The following ZNF746 variants were observed in gnomAD, a reference collection of about 807,000 sequenced individuals.
ZNF746 encodes zinc finger protein 746.
Under a neutral mutation model 41.0 loss-of-function variants are expected in ZNF746, and 13 were observed. The observed-to-expected ratio is 0.32, with a 90% CI of 0.21 to 0.50. The LOEUF is 0.50. Among genes scored for constraint, ZNF746 ranks in the 20% least tolerant of loss-of-function variants. The pLI is 0.98. For missense variants in ZNF746, 811 were observed against 922.9 expected, an observed-to-expected ratio of 0.88 and a Z score of 1.57; for synonymous variants, 424 against 396.2, an observed-to-expected ratio of 1.07 and a Z score of -0.83.
chr7:149,486,756 G>A (rs1800636906), intron 4 of ZNF746, among the ~76,000 whole-genome samples: 2 of 152,194 alleles, frequency 1.3e-5, no homozygotes. Context: ...TATACTATAA[G>A]AGGAAGGAAG....
chr7:149,496,809 C>T (rs1755871138), intron 1 of ZNF746: 2 of 985,284 alleles, frequency 2.0e-6, no homozygotes, highest in Middle Eastern at 5.2e-4. Context: ...GCACTCACCC[C>T]TTTCTGTTTT....
At chr7:149,482,296 C>T (rs150072143) in intron 4 of ZNF746, among the ~76,000 whole-genome samples, 20 of 152,010 alleles carry the variant, frequency 1.3e-4, no homozygotes, top group African/African-American at 3.4e-4. Flanking sequence ...AACAGAAGGA[C>T]GCAGAAAGCA....
Position 149,497,333 on chromosome 7 carries a change from G to A in ZNF746, c.24+180C>T, listed in dbSNP as rs948638896. 921 of 983,092 alleles carry A rather than the reference G, an allele frequency of 9.4e-4. No homozygotes were observed. The highest frequency in any genetic ancestry group is 1.0e-3 in the Non-Finnish European group (847 of 828,034). 60.9% of individuals were successfully genotyped at this position (983,092 alleles called of 1,614,324 possible). ...CGCTCGGGTTCGGCTCGGAGTGGGG[G>A]CCCGGCCGACGGGCGCAGTAGGCCC... On this transcript the variant is annotated intron_variant, in intron 1 of 6. Coordinates refer to ENST00000458143, the MANE Select transcript of ZNF746 (RefSeq NM_001394198.1). The surrounding 1 kb of genome is among the most constrained non-coding windows in gnomAD (Gnocchi z 4.2).
At chr7:149,496,593 C>T (rs963925066) in intron 1 of ZNF746, among the ~76,000 whole-genome samples, 2 of 152,154 alleles carry the variant, frequency 1.3e-5, no homozygotes, top group African/African-American at 2.4e-5. Context: ...TGCACTGTCC[C>T]GTCTCTCTGC....
At chr7:149,476,007 AAATATTAGTGAATAAGAATGTGTT>A in intron 6 of ZNF746, among the ~76,000 whole-genome samples, 2 of 152,212 alleles carry the variant, frequency 1.3e-5, no homozygotes, top group Non-Finnish European at 1.5e-5. Flanking sequence ...CTAATGATAA[AAATATTAGTGAATAAGAATGTGTT>A]TGGCCAGGCG....
chr7:149,476,917 T>G lies in ZNF746; in HGVS notation c.883+5A>C. On this transcript the variant is annotated splice_donor_5th_base_variant and intron_variant, in intron 6 of 6. Transcript: ENST00000458143. ...CCCTTCCCTTCCTCCTCTCGCCACC[T>G]GTACCTTCCGTGGAGGCTGCTGTGT... 14 of 1,613,952 alleles carry G rather than the reference T, an allele frequency of 8.7e-6. No homozygotes were observed. The highest frequency in any genetic ancestry group is 1.1e-5 in the Non-Finnish European group (13 of 1,179,928).
chr7:149,496,173 CCT>C (rs1398393402), intron 1 of ZNF746, among the ~76,000 whole-genome samples: 7 of 152,198 alleles, frequency 4.6e-5, no homozygotes, highest in Non-Finnish European at 1.0e-4. Context: ...ATGAAAGGGA[CCT>C]CTGCTAAACT....
At chr7:149,480,217 C>G (rs1411272626) in intron 4 of ZNF746, among the ~76,000 whole-genome samples, 1 of 152,128 alleles carries the variant, frequency 6.6e-6, no homozygotes, top group Admixed American at 6.5e-5. Context: ...ATCAGCACCA[C>G]AAACTCAGCA....
rs1372610633 is a variant in ZNF746, at chr7:149,475,292, G to A, written c.1075C>T (p.Leu359=). The change falls in exon 7 of 7, where the codon CTG becomes TTG. Residue 359 remains leucine, a synonymous_variant. Coordinates refer to ENST00000458143, the MANE Select transcript of ZNF746 (RefSeq NM_001394198.1). The stretch of plus-strand genomic sequence containing the variant: ...GGCCGGGCGGGCTCTCGCAGCCCCA[G>A]CACAGGGTCCTGGCTGGGGAAGGAG... ...GSSFPSQDPV[L]GLREPARPER... is the part of the protein sequence containing the mutation. 6.8e-6 allele frequency: 11 copies of A among 1,613,838 alleles called. No homozygotes were observed. The highest frequency in any genetic ancestry group is 2.7e-5 in the African/African-American group (2 of 75,034).
At chr7:149,488,472 G>T (rs886787733) in intron 4 of ZNF746, 1 of 152,112 alleles carries the variant, frequency 6.6e-6, no homozygotes, top group African/African-American at 2.4e-5. Context: ...GAAAATGTTT[G>T]TAACACAAAT....
chr7:149,492,341 T>G (rs1800832285), intron 4 of ZNF746, among the ~76,000 whole-genome samples: 1 of 152,246 alleles, frequency 6.6e-6, no homozygotes, highest in African/African-American at 2.4e-5. Context: ...ATGATTTTCC[T>G]AGTAACATTT....
chr7:149,474,711 C>T lies in ZNF746; in HGVS notation c.1656G>A (p.Arg552=). 1 of 1,612,314 alleles carries T rather than the reference C, an allele frequency of 6.2e-7. No individual in the cohort carries two copies. Among genetic ancestry groups the T allele is most frequent in the Non-Finnish European group, 8.5e-7 (1 of 1,179,652 alleles). The change falls in exon 7 of 7, where the codon CGG becomes CGA. Residue 552 remains arginine, a synonymous_variant. Coordinates refer to ENST00000458143, the MANE Select transcript of ZNF746 (RefSeq NM_001394198.1). The surrounding 1 kb of genome is among the most constrained non-coding windows in gnomAD (Gnocchi z 6.3). ...IRHRMLHTGE[R]PFPCTECEKR... is the part of the protein sequence containing the mutation. The stretch of plus-strand genomic sequence containing the variant: ...TCTCACACTCGGTGCAGGGGAAGGG[C>T]CGCTCGCCGGTGTGCAGCATGCGAT...
In ZNF746 at chr7:149,474,212, G is replaced by A. The variant is rs73469439; in HGVS notation, c.*172C>T. 1,844 of 693,372 alleles carry A rather than the reference G, an allele frequency of 2.7e-3. 23 individuals are homozygous for A. In the African/African-American group the frequency reaches 0.029, roughly 11 times the overall value. 43.0% of individuals were successfully genotyped at this position (693,372 alleles called of 1,614,324 possible). A position where few individuals can be genotyped will look rare whatever the true frequency, so the allele number is the denominator to read the frequency against. ...ACAGAGAATTCTACTTGGTTTAGAG[G>A]TGGCAGCTGTCCTGGTGGATAGTTT... On this transcript the variant is annotated 3_prime_UTR_variant, in exon 7 of 7. Coordinates refer to ENST00000458143, the MANE Select transcript of ZNF746 (RefSeq NM_001394198.1). This position sits in a 1 kb window ranked among gnomAD's most constrained non-coding sequence, Gnocchi z 6.3.
intron 4 of ZNF746, among the ~76,000 whole-genome samples, chr7:149,482,348 A>G (rs1468081273): frequency 6.6e-6 from 1 of 152,404 alleles, no homozygotes; most frequent in East Asian, 1.9e-4. Context: ...AACAATGTAA[A>G]GAAATGATGT....
intron 4 of ZNF746, among the ~76,000 whole-genome samples, chr7:149,484,643 AT>A (rs778562387): frequency 6.6e-5 from 10 of 151,856 alleles, no homozygotes; most frequent in Non-Finnish European, 1.2e-4. Flanking sequence ...CATCATTTCT[AT>A]TTAAGGATTT....
intron 5 of ZNF746, 114 bp from the exon 6 acceptor site, chr7:149,477,161 G>T: frequency 7.6e-7 from 1 of 1,321,086 alleles, no homozygotes; most frequent in Non-Finnish European, 1.0e-6. Flanking sequence ...GGGCTTTTCT[G>T]AGTGGGCACG....
intron 1 of ZNF746, among the ~76,000 whole-genome samples, chr7:149,495,324 A>G (rs77795068): frequency 1.3e-5 from 2 of 152,194 alleles, no homozygotes; most frequent in African/African-American, 4.8e-5. Flanking sequence ...TACCAGGAGC[A>G]GTGACATACC....
At chr7:149,485,709 CAT>C (rs1287376200) in intron 4 of ZNF746, among the ~76,000 whole-genome samples, 5 of 151,372 alleles carry the variant, frequency 3.3e-5, no homozygotes, top group South Asian at 2.1e-4. Context: ...CGGCAACACA[CAT>C]AGTTGACAAA....
Position 149,497,567 on chromosome 7 carries a change from A to C in ZNF746, c.-31T>G. Reference sequence around the variant, plus strand: ...TGCGCTGTCCCGCCCGGCCCGGAGGAAGTCGTCGTCGCCGCCGCCGCGCGC... The same window carrying C: ...TGCGCTGTCCCGCCCGGCCCGGAGGCAGTCGTCGTCGCCGCCGCCGCGCGC... On this transcript the variant is annotated 5_prime_UTR_variant, in exon 1 of 7. Coordinates refer to ENST00000458143, the MANE Select transcript of ZNF746 (RefSeq NM_001394198.1). This position sits in a 1 kb window ranked among gnomAD's most constrained non-coding sequence, Gnocchi z 4.2. The C allele has an allele frequency of 9.5e-7, 1 of 1,054,146 alleles. No homozygotes were observed. Among genetic ancestry groups the C allele is most frequent in the Non-Finnish European group, 1.1e-6 (1 of 878,052 alleles). The allele number at this position is 1,054,146 out of a possible 1,614,324, so 65.3% of individuals were successfully genotyped here.
Sources: allele counts gnomAD v4.1 joint callset (sites outside exome capture counted in the v4.1 genomes callset), GRCh38; gene constraint gnomAD v4.1.1; non-coding constraint Gnocchi (gnomAD v3.1); transcripts MANE v1.5; gene names NCBI Gene and HGNC (gene_info 2026-07-23, HGNC 2026-07-21).